The following COL5A1 variants were observed in gnomAD, a reference collection of about 807,000 sequenced individuals.
COL5A1 encodes collagen alpha-1(V) chain.
Under a neutral mutation model 263.7 loss-of-function variants are expected in COL5A1, and 16 were observed. The observed-to-expected ratio is 0.06, with a 90% CI of 0.04 to 0.09. The LOEUF (loss-of-function observed/expected upper bound fraction) is 0.09. Ranked by LOEUF, COL5A1 falls within the 10% of genes least tolerant of loss-of-function variation. COL5A1 has a pLI of 1.00. For missense variants in COL5A1, 2,036 were observed against 2,540.5 expected (o/e 0.80, Z 4.27); for synonymous variants, 1,012 against 1,004.5 (o/e 1.01, Z -0.14).
chr9:134,824,931 C>CA (rs2132885090), intron 62 of COL5A1, 76 bp downstream of exon 62: 2 of 1,522,458 alleles, frequency 1.3e-6, no homozygotes, highest in African/African-American at 2.7e-5. Context: ...GTGGCAAGGA[C>CA]AGTTCAGCCA....
intron 18 of COL5A1, among the ~76,000 whole-genome samples, chr9:134,759,610 ACACACATATG>A (rs1836184572): frequency 1.5e-5 from 1 of 67,968 alleles, no homozygotes; most frequent in Non-Finnish European, 2.5e-5. Flanking sequence ...CCACACCCCC[ACACACATATG>A]CACACATACA....
chr9:134,788,937 C>T (rs1051520324), intron 31 of COL5A1, among the ~76,000 whole-genome samples: 1 of 134,330 alleles, frequency 7.4e-6, no homozygotes, highest in African/African-American at 2.9e-5. Context: ...GGTGGGTAGA[C>T]AGGCGGATGA....
intron 34 of COL5A1, 39 bp downstream of exon 34, chr9:134,795,354 C>A (rs1171014865): frequency 1.2e-6 from 2 of 1,601,444 alleles, no homozygotes; most frequent in East Asian, 2.2e-5. Flanking sequence ...CGGCGTGAAC[C>A]CAAGTTGCAA....
At chr9:134,706,715 G>T (rs1007154480) in intron 4 of COL5A1, among the ~76,000 whole-genome samples, 2 of 152,238 alleles carry the variant, frequency 1.3e-5, no homozygotes, top group African/African-American at 2.4e-5. Flanking sequence ...ACTCAGGCTG[G>T]CCTGACAGCA....
In COL5A1 at chr9:134,700,180, A is replaced by C; in HGVS notation, c.491+58A>C. ...GCTGGAGGGGGGATCAGGCCAGCTC[A>C]TACCACTGACCAGATGTGGGGCACA... is the stretch of plus-strand genomic sequence containing the variant. On this transcript the variant is annotated intron_variant, in intron 3 of 65. Coordinates refer to ENST00000371817, the MANE Select transcript of COL5A1 (RefSeq NM_000093.5). The surrounding 1 kb of genome is among the most constrained non-coding windows in gnomAD (Gnocchi z 4.0). 10 of 1,517,962 alleles carry C rather than the reference A, an allele frequency of 6.6e-6. No homozygotes were observed. Among genetic ancestry groups the C allele is most frequent in the East Asian group, 2.3e-5 (1 of 44,072 alleles). The allele number at this position is 1,517,962 out of a possible 1,614,324, so 94.0% of individuals were successfully genotyped here. A position where few individuals can be genotyped will look rare whatever the true frequency, so the allele number is the denominator to read the frequency against.
intron 9 of COL5A1, 89 bp from the exon 10 acceptor site, chr9:134,738,385 A>C (rs530238678): frequency 6.9e-7 from 1 of 1,451,474 alleles, no homozygotes; most frequent in South Asian, 1.1e-5. Context: ...CCTCTTGTGC[A>C]TGCAGCTGAA....
Position 134,842,491 on chromosome 9 carries a change from G to A in COL5A1, c.*188G>A, listed in dbSNP as rs1830137194. ...CCGGAGAGAACAGAGGGAAGGAGCC[G>A]CGCCCCCACCTGGAGCTGAATCACA... On this transcript the variant is annotated 3_prime_UTR_variant, in exon 66 of 66. Transcript: ENST00000371817. The surrounding 1 kb of genome is among the most constrained non-coding windows in gnomAD (Gnocchi z 5.8). 3.9e-5 allele frequency: 27 copies of A among 696,884 alleles called. No individual in the cohort carries two copies. The highest frequency in any genetic ancestry group is 4.0e-4 in the Middle Eastern group (1 of 2,516). 43.2% of individuals were successfully genotyped at this position (696,884 alleles called of 1,614,324 possible).
At chr9:134,648,656 C>T (rs538086658) in intron 1 of COL5A1, among the ~76,000 whole-genome samples, 3 of 152,310 alleles carry the variant, frequency 2.0e-5, no homozygotes, top group South Asian at 2.1e-4. Context: ...CCACCAGGGG[C>T]CCCAGTGCAG....
chr9:134,735,909 C>T (rs1835078812), intron 9 of COL5A1, among the ~76,000 whole-genome samples: 1 of 152,256 alleles, frequency 6.6e-6, no homozygotes, highest in Non-Finnish European at 1.5e-5. Flanking sequence ...ATCGGTGTTC[C>T]CCCCAACCGG....
At position 134,716,646 on chromosome 9, in the gene COL5A1, G is replaced by C. The variant is rs900687261; in HGVS notation, c.655-10620G>C. ...CATTGGTGCTGCCATTTCGTCCCTT[G>C]GTCTAGAGATGAGGCCCCCTCTCCG... On this transcript the variant is annotated intron_variant, in intron 4 of 65. Coordinates refer to ENST00000371817, the MANE Select transcript of COL5A1 (RefSeq NM_000093.5). This position sits in a 1 kb window ranked among gnomAD's most constrained non-coding sequence, Gnocchi z 4.5. 1.3e-5 allele frequency among the ~76,000 whole-genome samples: 2 copies of C among 152,108 alleles called. No homozygotes were observed. The highest frequency in any genetic ancestry group is 2.4e-5 in the African/African-American group (1 of 41,412).
rs561411765 is a variant in COL5A1 at position 134,824,624 on chromosome 9, C to T, written c.4723C>T (p.Pro1575Ser). Residue 1575 changes from proline to serine, a missense_variant, in exon 62 of 66, where the codon CCC becomes TCC. By Grantham distance (74) the Pro-to-Ser change is moderately conservative. This residue lies in a region of COL5A1 where 358 missense variants were observed against 384.6 expected (regional missense o/e 0.93). Transcript: ENST00000371817. ...PPGPPGEVIQ[P>S]LPIQASRTRR... The stretch of plus-strand genomic sequence containing the variant: ...GGGCCCCCCGGGAGAGGTCATCCAG[C>T]CCCTGCCAATCCAGGCATCCAGGAC... 4 of 1,614,172 alleles carry T rather than the reference C, an allele frequency of 2.5e-6. No homozygotes were observed. In the East Asian group the frequency reaches 8.9e-5, roughly 36 times the overall value.
At position 134,767,136 on chromosome 9, in the gene COL5A1, G is replaced by A. The variant is rs1039408084; in HGVS notation, c.2187+83G>A. ...CCAGTCCGGAGCCCTGGGAGGAAGC[G>A]GGGAGCTCTGTCCCCTCCAAGTAGC... On this transcript the variant is annotated intron_variant, in intron 23 of 65. Coordinates refer to ENST00000371817, the MANE Select transcript of COL5A1 (RefSeq NM_000093.5). The A allele has an allele frequency of 1.9e-5, 29 of 1,519,302 alleles. 1 individual carries two copies. Among genetic ancestry groups the A allele is most frequent in the Admixed American group, 1.1e-4 (6 of 56,118 alleles). 94.1% of individuals were successfully genotyped at this position (1,519,302 alleles called of 1,614,324 possible).
chr9:134,795,175 T>C, intron 33 of COL5A1, 49 bp downstream of exon 33: 1 of 1,613,534 alleles, frequency 6.2e-7, no homozygotes. Flanking sequence ...GGGAGCATGG[T>C]TTAGGGAGCA....
At chr9:134,747,379 A>G (rs1337985373) in intron 11 of COL5A1, among the ~76,000 whole-genome samples, 1 of 152,122 alleles carries the variant, frequency 6.6e-6, no homozygotes, top group Non-Finnish European at 1.5e-5. Flanking sequence ...CCTTGAGGAG[A>G]CTTCCTGGCT....
At chr9:134,828,990 A>G (rs118189756) in intron 63 of COL5A1, among the ~76,000 whole-genome samples, 2,169 of 150,936 alleles carry the variant, frequency 0.014, 24 homozygotes, top group Non-Finnish European at 0.019. Flanking sequence ...CCCCCACACC[A>G]TGCACGCGCA....
intron 2 of COL5A1, among the ~76,000 whole-genome samples, chr9:134,693,177 C>G (rs1042918249): frequency 1.3e-5 from 2 of 152,134 alleles, no homozygotes; most frequent in Non-Finnish European, 2.9e-5. Context: ...GAGCAGGGCT[C>G]TTATCTACAG....
chr9:134,669,257 C>CTTCCT (rs1832460763), intron 1 of COL5A1, among the ~76,000 whole-genome samples: 2 of 88,840 alleles, frequency 2.3e-5, no homozygotes, highest in East Asian at 3.2e-4. Flanking sequence ...CTTCCCTTCC[C>CTTCCT]TTCCCTTCCC....
Position 134,700,645 on chromosome 9 carries a change from G to A in COL5A1, c.491+523G>A, listed in dbSNP as rs1287149120. Among the ~76,000 whole-genome samples the A allele has an allele frequency of 6.6e-6, 1 of 152,170 alleles. No individual in the cohort carries two copies. The highest frequency in any genetic ancestry group is 1.5e-5 in the Non-Finnish European group (1 of 68,036). On this transcript the variant is annotated intron_variant, in intron 3 of 65. Coordinates refer to ENST00000371817, the MANE Select transcript of COL5A1 (RefSeq NM_000093.5). The surrounding 1 kb of genome is among the most constrained non-coding windows in gnomAD (Gnocchi z 4.0). ...CGAACGTCTTCAATACATGATTTCT[G>A]AATTCTTCGCCAAGACTTTCAGACA...
chr9:134,829,012 A>ACACG (rs1554724883), intron 63 of COL5A1, among the ~76,000 whole-genome samples: 19 of 152,110 alleles, frequency 1.2e-4, no homozygotes, highest in African/African-American at 4.3e-4. Flanking sequence ...ACACACACGC[A>ACACG]CACAGTCTGG....
Sources: gnomAD v4.1 joint callset for allele counts (sites outside exome capture counted in the v4.1 genomes callset) on GRCh38, gnomAD v4.1.1 for gene constraint, gnomAD v4.1.1 regional missense constraint, Gnocchi (gnomAD v3.1) non-coding constraint, MANE v1.5 for transcripts, NCBI Gene and HGNC (gene_info 2026-07-23, HGNC 2026-07-21) for gene names.